The following SNAP47 variants were observed in gnomAD, a reference collection of about 807,000 sequenced individuals.
SNAP47 encodes the protein synaptosome associated protein 47.
A neutral mutation model predicts 31.4 loss-of-function variants in SNAP47; 20 were observed. That is an observed-to-expected ratio of 0.64 (90% CI 0.45 to 0.93). The LOEUF is 0.93. Among genes scored for constraint, SNAP47 ranks in the 40% least tolerant of loss-of-function variants. SNAP47 has a pLI of 0.00. For synonymous variants in SNAP47, 194 were observed against 213.4 expected (o/e 0.91, Z 0.79); for missense variants, 492 against 528.5 (o/e 0.93, Z 0.68).
In SNAP47 at chr1:227,759,176, C is replaced by A; in HGVS notation, c.679C>A (p.Pro227Thr). 8 of 1,614,180 alleles carry A rather than the reference C, an allele frequency of 5.0e-6. No individual in the cohort carries two copies. Among genetic ancestry groups the A allele is most frequent in the Non-Finnish European group, 6.8e-6 (8 of 1,180,048 alleles). The change falls in exon 3 of 5, where the codon CCA (proline) becomes ACA (threonine). Residue 227 changes from proline (P) to threonine (T), a missense_variant. Pro to Thr is a conservative substitution (Grantham distance 38). Transcript: ENST00000617596. ...CCACAGAACAGAGTCTCACGTTAAA[C>A]CAGGGAGGCTCACCGTCCTTGTGTC... ...ISHRTESHVK[P>T]GRLTVLVSGL... is the part of the protein sequence containing the mutation.
At chr1:227,729,969 C>T (rs1274212983) in intron 1 of SNAP47, among the ~76,000 whole-genome samples, 1 of 152,216 alleles carries the variant, frequency 6.6e-6, no homozygotes, top group Non-Finnish European at 1.5e-5. Flanking sequence ...CACGCCCTCA[C>T]CCAGGCATGG....
rs909007911 is a variant in SNAP47 at position 227,780,853 on chromosome 1, C to T, written c.*180C>T. On this transcript the variant is annotated 3_prime_UTR_variant, in exon 5 of 5. Coordinates refer to ENST00000617596, the MANE Select transcript of SNAP47 (RefSeq NM_053052.4). ...CTCCCCAGGTGTGCACCATGCCTGCCTCCCACTTGGCTGTCCCTGCTGCTG... is the reference window on the plus strand; with the variant it reads ...CTCCCCAGGTGTGCACCATGCCTGCTTCCCACTTGGCTGTCCCTGCTGCTG... 2.3e-5 allele frequency: 18 copies of T among 794,530 alleles called. No homozygotes were observed. The highest frequency in any genetic ancestry group is 3.3e-5 in the Non-Finnish European group (17 of 516,742). The allele number at this position is 794,530 out of a possible 1,614,324, so 49.2% of individuals were successfully genotyped here. A position where few individuals can be genotyped will look rare whatever the true frequency, so the allele number is the denominator to read the frequency against.
chr1:227,757,970 C>T (rs971724582), intron 2 of SNAP47, among the ~76,000 whole-genome samples: 8 of 152,222 alleles, frequency 5.3e-5, no homozygotes, highest in Non-Finnish European at 8.8e-5. Flanking sequence ...ACCTGACTGA[C>T]GCAGTCACCC....
intron 1 of SNAP47, among the ~76,000 whole-genome samples, chr1:227,745,431 T>A (rs1288751221): frequency 2.0e-5 from 3 of 152,200 alleles, no homozygotes; most frequent in Non-Finnish European, 4.4e-5. Context: ...TAGAAACATC[T>A]TAGGGTGTTG....
chr1:227,757,698 T>C (rs528938524), intron 2 of SNAP47, among the ~76,000 whole-genome samples: 1 of 152,212 alleles, frequency 6.6e-6, no homozygotes, highest in South Asian at 2.1e-4. Context: ...CAATAACTAA[T>C]GTGATGAGAC....
intron 4 of SNAP47, among the ~76,000 whole-genome samples, chr1:227,778,823 A>G (rs1206413767): frequency 6.6e-6 from 1 of 152,136 alleles, no homozygotes; most frequent in African/African-American, 2.4e-5. Flanking sequence ...CCAGAGCCCC[A>G]TCCAGCGATC....
chr1:227,740,533 G>C (rs140894218), intron 1 of SNAP47, among the ~76,000 whole-genome samples: 102 of 152,270 alleles, frequency 6.7e-4, no homozygotes, highest in African/African-American at 2.4e-3. Flanking sequence ...CCTGGAGATT[G>C]AGTCTCATTC....
At chr1:227,768,138 T>C (rs1663558173) in intron 4 of SNAP47, 1 of 264,266 alleles carries the variant, frequency 3.8e-6, no homozygotes, top group Admixed American at 6.5e-5. Context: ...CACCATCCAG[T>C]ATCCAGGCAG....
At chr1:227,734,931 C>A (rs1200831285), upstream of SNAP47, 4 of 1,518,344 alleles carry the variant, frequency 2.6e-6, no homozygotes, top group Non-Finnish European at 3.5e-6. Context: ...CTCCCTGGTG[C>A]CCCTCTCTAG....
intron 3 of SNAP47, 46 bp downstream of exon 3, chr1:227,759,531 T>C: frequency 6.3e-7 from 1 of 1,587,072 alleles, no homozygotes; most frequent in South Asian, 1.2e-5. Flanking sequence ...ACTTCTAAAA[T>C]TACAGGCAGA....
intron 1 of SNAP47, among the ~76,000 whole-genome samples, chr1:227,745,398 T>C (rs1012514845): frequency 6.6e-6 from 1 of 152,194 alleles, no homozygotes; most frequent in African/African-American, 2.4e-5. Flanking sequence ...ATAAAATTTG[T>C]AGAAAGTCTT....
At position 227,759,095 on chromosome 1, in the gene SNAP47, A is replaced by G. The variant is rs777348096; in HGVS notation, c.598A>G (p.Ser200Gly). Reference sequence around the variant, plus strand: ...GCCCAGGGAAGATGTCTCCATGACCAGTTGTGAACCCTTTGGGAAAGAAGG... The same window carrying G: ...GCCCAGGGAAGATGTCTCCATGACCGGTTGTGAACCCTTTGGGAAAGAAGG... ...TKPREDVSMTSCEPFGKEGIL... is the reference protein window; with the variant it reads ...TKPREDVSMTGCEPFGKEGIL... Residue 200 changes from serine to glycine, a missense_variant, in exon 3 of 5, where the codon AGT becomes GGT. Ser to Gly is a moderately conservative substitution (Grantham distance 56, BLOSUM62 0). Coordinates refer to ENST00000617596, the MANE Select transcript of SNAP47 (RefSeq NM_053052.4). The G allele has an allele frequency of 4.3e-6, 7 of 1,614,206 alleles. No homozygotes were observed. Among genetic ancestry groups the G allele is most frequent in the East Asian group, 2.2e-5 (1 of 44,886 alleles).
rs1663171320 is a variant in SNAP47 at position 227,763,146 on chromosome 1, G to T, written c.988+3661G>T. 6.6e-6 allele frequency among the ~76,000 whole-genome samples: 1 copy of T among 151,680 alleles called. No individual in the cohort carries two copies. The highest frequency in any genetic ancestry group is 6.6e-5 in the Admixed American group (1 of 15,246). ...TAATTTTTTTTTTTTTTAATTATGGGGTCTTGCCGTGTTGCCTAGGCTGGT... is the reference window on the plus strand; with the variant it reads ...TAATTTTTTTTTTTTTTAATTATGGTGTCTTGCCGTGTTGCCTAGGCTGGT... On this transcript the variant is annotated intron_variant, in intron 3 of 4. Coordinates refer to ENST00000617596, the MANE Select transcript of SNAP47 (RefSeq NM_053052.4). This position sits in a 1 kb window ranked among gnomAD's most constrained non-coding sequence, Gnocchi z 4.2.
intron 1 of SNAP47, chr1:227,746,331 T>A (rs1372072046): frequency 6.6e-6 from 1 of 152,198 alleles, no homozygotes; most frequent in Non-Finnish European, 1.5e-5. Flanking sequence ...GCCCCCACAG[T>A]CCAGCCACAC....
intron 3 of SNAP47, 97 bp from the exon 4 acceptor site, chr1:227,766,862 G>A (rs571778413): frequency 7.9e-5 from 122 of 1,534,744 alleles, no homozygotes; most frequent in Admixed American, 4.2e-4. Context: ...GTGGCGGGAG[G>A]AACACCGCCT....
intron 3 of SNAP47, 133 bp from the exon 4 acceptor site, chr1:227,766,826 C>G (rs1243496331): frequency 1.5e-6 from 2 of 1,311,354 alleles, no homozygotes; most frequent in Non-Finnish European, 1.0e-6. Flanking sequence ...TCACAGAGGT[C>G]GAGAGAGGAA....
chr1:227,755,051 C>G (rs1158596318), intron 2 of SNAP47, among the ~76,000 whole-genome samples: 1 of 152,116 alleles, frequency 6.6e-6, no homozygotes, highest in Admixed American at 6.5e-5. Context: ...GTCAGACATG[C>G]CTCATTATGC....
intron 1 of SNAP47, among the ~76,000 whole-genome samples, chr1:227,744,295 A>T (rs987530969): frequency 2.6e-5 from 4 of 151,720 alleles, no homozygotes; most frequent in African/African-American, 7.3e-5. Flanking sequence ...ACGAGCAATG[A>T]GAGCTGGTGA....
In SNAP47 at chr1:227,763,261, C is replaced by T. The variant is rs1413960595; in HGVS notation, c.989-3698C>T. ...TGAGCCTCTACCCTGCTGTGCACAGCGTATTTGAAGGCTGTTTGATCACTG... is the reference window on the plus strand; with the variant it reads ...TGAGCCTCTACCCTGCTGTGCACAGTGTATTTGAAGGCTGTTTGATCACTG... On this transcript the variant is annotated intron_variant, in intron 3 of 4. Coordinates refer to ENST00000617596, the MANE Select transcript of SNAP47 (RefSeq NM_053052.4). The surrounding 1 kb of genome is among the most constrained non-coding windows in gnomAD (Gnocchi z 4.2). Among the ~76,000 whole-genome samples, 4 of 152,120 alleles carry T rather than the reference C, an allele frequency of 2.6e-5. No homozygotes were observed. Among genetic ancestry groups the T allele is most frequent in the Non-Finnish European group, 4.4e-5 (3 of 68,012 alleles).
Sources: allele counts gnomAD v4.1 joint callset (sites outside exome capture counted in the v4.1 genomes callset), GRCh38; gene constraint gnomAD v4.1.1; non-coding constraint Gnocchi (gnomAD v3.1); transcripts MANE v1.5; gene names NCBI Gene and HGNC (gene_info 2026-07-23, HGNC 2026-07-21).